The following TTC7A variants were observed in gnomAD, a reference collection of about 807,000 sequenced individuals.
TTC7A encodes the protein tetratricopeptide repeat domain 7A.
Under a neutral mutation model 103.7 loss-of-function variants are expected in TTC7A, and 110 were observed. The ratio of observed to expected loss-of-function variants is 1.06; its 90% CI spans 0.91 to 1.24. The LOEUF is 1.24. Among genes scored for constraint, TTC7A ranks in the 50% most tolerant of loss-of-function variants. The probability of loss-of-function intolerance (pLI) is 0.00; values close to 1 mark genes in which losing one functional copy is unlikely to be tolerated. For missense variants in TTC7A, 1,340 were observed against 1,116.3 expected (o/e 1.20, Z -2.86); for synonymous variants, 521 against 467.9 (o/e 1.11, Z -1.47).
intron 5 of TTC7A, among the ~76,000 whole-genome samples, chr2:46,991,431 C>T (rs1269204385): frequency 6.6e-6 from 1 of 151,834 alleles, no homozygotes; most frequent in Non-Finnish European, 1.5e-5. Flanking sequence ...TCCAGGAGTT[C>T]GAGACCAGGC....
chr2:47,033,468 G>T (rs1680777575), intron 15 of TTC7A, among the ~76,000 whole-genome samples: 1 of 152,212 alleles, frequency 6.6e-6, no homozygotes, highest in Admixed American at 6.5e-5. Flanking sequence ...GGCTTTGCCT[G>T]TTTCACTGCT....
intron 15 of TTC7A, among the ~76,000 whole-genome samples, chr2:47,033,658 A>C (rs1180436607): frequency 6.6e-6 from 1 of 152,230 alleles, no homozygotes; most frequent in East Asian, 1.9e-4. Flanking sequence ...ATCTGCCAAA[A>C]GACAGACACC....
chr2:46,976,815 C>T (rs35597921), intron 4 of TTC7A, among the ~76,000 whole-genome samples: 4 of 152,124 alleles, frequency 2.6e-5, no homozygotes, highest in Non-Finnish European at 5.9e-5. Flanking sequence ...GGCAAAGTCA[C>T]CCCCCTGCTG....
In TTC7A at chr2:47,060,852, T is replaced by G. The variant is rs1281754401; in HGVS notation, c.2236T>G (p.Ser746Ala). ...EAAGLFPTSH[S>A]VLYMRGRLAE... ...GGCGGGCCTCTTCCCCACTTCTCAC[T>G]CAGTACTCTATATGCGGGGCCGGCT... is the stretch of plus-strand genomic sequence containing the variant. Residue 746 changes from serine (S) to alanine (A), a missense_variant, in exon 19 of 20, where the codon TCA becomes GCA. By Grantham distance (99) the Ser-to-Ala change is moderately conservative. Transcript: ENST00000319190. 1 of 1,614,100 alleles carries G rather than the reference T, an allele frequency of 6.2e-7. No individual in the cohort carries two copies. Among genetic ancestry groups the G allele is most frequent in the African/African-American group, 1.3e-5 (1 of 75,034 alleles).
At chr2:46,999,496 C>T in intron 8 of TTC7A, 3 of 985,448 alleles carry the variant, frequency 3.0e-6, no homozygotes, top group Non-Finnish European at 3.6e-6. Flanking sequence ...GGAGCTACAG[C>T]ATGCGGGACC....
chr2:46,956,659 T>A, intron 2 of TTC7A, 180 bp from the exon 3 acceptor site: 1 of 636,902 alleles, frequency 1.6e-6, no homozygotes, highest in Non-Finnish European at 2.8e-6. Context: ...CAATGTAGGC[T>A]GCAGACCATG....
chr2:47,036,407 G>T (rs1251014846), intron 15 of TTC7A, among the ~76,000 whole-genome samples: 1 of 152,242 alleles, frequency 6.6e-6, no homozygotes, highest in African/African-American at 2.4e-5. Flanking sequence ...TAGAGGACAT[G>T]GGTCAGTCTA....
intron 2 of TTC7A, among the ~76,000 whole-genome samples, chr2:46,919,908 C>G (rs1669008970): frequency 6.6e-6 from 1 of 152,224 alleles, no homozygotes; most frequent in African/African-American, 2.4e-5. Context: ...TCTAGGCTCC[C>G]CTGTCAGCTG....
At chr2:46,944,039 C>G (rs537645609) in intron 1 of TTC7A, among the ~76,000 whole-genome samples, 2 of 152,236 alleles carry the variant, frequency 1.3e-5, no homozygotes, top group Admixed American at 1.3e-4. Context: ...TTGCTCCTCA[C>G]CACCCAACCA....
At chr2:46,957,634 G>A (rs1671998392) in intron 3 of TTC7A, among the ~76,000 whole-genome samples, 1 of 152,194 alleles carries the variant, frequency 6.6e-6, no homozygotes, top group African/African-American at 2.4e-5. Flanking sequence ...AGTGATGTAG[G>A]AATTTTATGA....
At position 46,994,493 on chromosome 2, in the gene TTC7A, C is replaced by T. The variant is rs920539096; in HGVS notation, c.980C>T (p.Pro327Leu). 4.3e-6 allele frequency: 7 copies of T among 1,613,898 alleles called. No individual in the cohort carries two copies. The African/African-American group carries it at 9.3e-5, about 22-fold the overall frequency. ...SSFATQALRK[P>L]HLYEGDNLYC... Reference sequence around the variant, plus strand: ...TTCGCCACTCAGGCCCTGCGGAAACCTCACCTCTATGAAGGAGACAAGTAA... The same window carrying T: ...TTCGCCACTCAGGCCCTGCGGAAACTTCACCTCTATGAAGGAGACAAGTAA... Residue 327 changes from proline to leucine, a missense_variant, in exon 7 of 20, where the codon CCT becomes CTT. Physicochemically the swap from Pro to Leu is moderately conservative, Grantham distance 98. Coordinates refer to ENST00000319190, the MANE Select transcript of TTC7A (RefSeq NM_020458.4).
intron 19 of TTC7A, 152 bp from the exon 20 acceptor site, chr2:47,073,550 G>C (rs1684955554): frequency 1.5e-6 from 1 of 670,348 alleles, no homozygotes; most frequent in African/African-American, 1.8e-5. Context: ...TATGGGGAAA[G>C]GCACAGTCAC....
At chr2:47,006,192 G>A in intron 9 of TTC7A, 133 bp downstream of exon 9, 11 of 1,236,696 alleles carry the variant, frequency 8.9e-6, no homozygotes, top group Non-Finnish European at 1.2e-5. Context: ...ACCTCGGCAA[G>A]TTGTACAAGT....
At chr2:46,978,102 G>A (rs1169970669) in intron 4 of TTC7A, 2 of 152,326 alleles carry the variant, frequency 1.3e-5, no homozygotes, top group East Asian at 3.8e-4. Flanking sequence ...AGTCTGGTGG[G>A]AGCTGAGGTT....
At chr2:46,956,611 A>G (rs1671876025) in intron 2 of TTC7A, 1 of 559,552 alleles carries the variant, frequency 1.8e-6, no homozygotes, top group Admixed American at 3.0e-5. Flanking sequence ...CACACATGAA[A>G]CAATTAGGGA....
At chr2:47,055,220 A>G (rs1683218948) in intron 18 of TTC7A, among the ~76,000 whole-genome samples, 1 of 152,184 alleles carries the variant, frequency 6.6e-6, no homozygotes, top group African/African-American at 2.4e-5. Flanking sequence ...TGCCTTGATC[A>G]TTTTGGAAGG....
At chr2:46,937,860 G>A (rs1670058684), upstream of TTC7A, among the ~76,000 whole-genome samples, 2 of 152,194 alleles carry the variant, frequency 1.3e-5, no homozygotes, top group African/African-American at 4.8e-5. The surrounding 1 kb of genome is among the most constrained non-coding windows in gnomAD (Gnocchi z 4.0). Context: ...AAAATGTGCT[G>A]TAATTAGTTC....
chr2:47,032,936 G>T (rs1054546810), intron 15 of TTC7A, among the ~76,000 whole-genome samples: 12 of 151,594 alleles, frequency 7.9e-5, no homozygotes, highest in Admixed American at 5.9e-4. Flanking sequence ...ATATGGCTGG[G>T]GTGGGGCTGA....
At chr2:46,947,727 A>G (rs1029084515) in intron 1 of TTC7A, among the ~76,000 whole-genome samples, 1 of 152,162 alleles carries the variant, frequency 6.6e-6, no homozygotes, top group Non-Finnish European at 1.5e-5. Flanking sequence ...TAAATTCCCA[A>G]TCTGTTATGC....
Sources: gnomAD v4.1 joint callset for allele counts (sites outside exome capture counted in the v4.1 genomes callset) on GRCh38, gnomAD v4.1.1 for gene constraint, Gnocchi (gnomAD v3.1) non-coding constraint, MANE v1.5 for transcripts, NCBI Gene and HGNC (gene_info 2026-07-23, HGNC 2026-07-21) for gene names.